TSPAN5: variants seen among roughly 807,000 people sequenced by gnomAD.
TSPAN5 encodes the protein tetraspanin-5.
A neutral mutation model predicts 37.1 loss-of-function variants in TSPAN5; 10 were observed. That is an observed-to-expected ratio of 0.27 (90% confidence interval 0.17 to 0.46). TSPAN5 has a LOEUF of 0.46. Among genes scored for constraint, TSPAN5 ranks in the 20% least tolerant of loss-of-function variants. The pLI is 1.00. For synonymous variants in TSPAN5, 110 were observed against 118.9 expected (o/e 0.93, Z 0.48); for missense variants, 195 against 326.6 (o/e 0.60, Z 3.11).
intron 1 of TSPAN5, among the ~76,000 whole-genome samples, chr4:98,603,423 C>A (rs1185613030): frequency 6.6e-6 from 1 of 152,182 alleles, no homozygotes; most frequent in Non-Finnish European, 1.5e-5. Flanking sequence ...AGTATAAAAG[C>A]AATTTTGCTA....
At chr4:98,555,858 C>G (rs1397675208) in intron 1 of TSPAN5, among the ~76,000 whole-genome samples, 1 of 152,098 alleles carries the variant, frequency 6.6e-6, no homozygotes, top group African/African-American at 2.4e-5. Context: ...TCTGACCTAC[C>G]CTGTTAAACA....
intron 1 of TSPAN5, among the ~76,000 whole-genome samples, chr4:98,615,520 T>C (rs1250119077): frequency 6.6e-6 from 1 of 152,176 alleles, no homozygotes; most frequent in East Asian, 1.9e-4. Flanking sequence ...AACCTGGCAT[T>C]AAACACAGAC....
Position 98,629,209 on chromosome 4 carries a change from A to G in TSPAN5, c.81+28937T>C, listed in dbSNP as rs187452217. Among the ~76,000 whole-genome samples the G allele has an allele frequency of 1.7e-3, 253 of 152,340 alleles. 1 individual carries two copies. In the Middle Eastern group the frequency reaches 0.034, roughly 20 times the overall value. Reference sequence around the variant, plus strand: ...TCTATGAACTATTTCACAGTCTTTGAGTTGTACTGTGTATTACACATAACC... The same window carrying G: ...TCTATGAACTATTTCACAGTCTTTGGGTTGTACTGTGTATTACACATAACC... On this transcript the variant is annotated intron_variant, in intron 1 of 7. Transcript: ENST00000305798.
At chr4:98,487,251 A>G (rs1040637669) in intron 2 of TSPAN5, among the ~76,000 whole-genome samples, 2 of 151,786 alleles carry the variant, frequency 1.3e-5, no homozygotes, top group South Asian at 2.1e-4. Context: ...AAAAAAAAAA[A>G]AAAGAAAAGA....
Position 98,472,495 on chromosome 4 carries a change from T to A in TSPAN5, c.*27A>T. 1 of 1,612,560 alleles carries A rather than the reference T, an allele frequency of 6.2e-7. No individual in the cohort carries two copies. Among genetic ancestry groups the A allele is most frequent in the Non-Finnish European group, 8.5e-7 (1 of 1,178,916 alleles). ...GGTCCCGAAAGCTGGGTCTGTCCAG[T>A]GTCTTGCAGCAGCGGTTGCAGGGGG... On this transcript the variant is annotated 3_prime_UTR_variant, in exon 8 of 8. Coordinates refer to ENST00000305798, the MANE Select transcript of TSPAN5 (RefSeq NM_005723.4).
chr4:98,616,588 G>A lies in TSPAN5; in HGVS notation c.81+41558C>T, dbSNP rs188756656. Among the ~76,000 whole-genome samples the A allele has an allele frequency of 1.9e-3, 292 of 152,250 alleles. 1 individual carries two copies. The Middle Eastern group carries it at 0.034, about 18-fold the overall frequency. On this transcript the variant is annotated intron_variant, in intron 1 of 7. Transcript: ENST00000305798. ...CCTCCACTCTCAAGGGGAGCATAGC[G>A]CACAGCCTCAGACTCACCCTGAAAC...
At chr4:98,544,367 A>T (rs6846287) in intron 1 of TSPAN5, among the ~76,000 whole-genome samples, 94,459 of 151,962 alleles carry the variant, frequency 0.62, 29,784 homozygotes, top group South Asian at 0.79. Context: ...TCCCTACTGC[A>T]ACCAAACTGT....
At chr4:98,642,763 T>A (rs1280443017) in intron 1 of TSPAN5, among the ~76,000 whole-genome samples, 1 of 152,178 alleles carries the variant, frequency 6.6e-6, no homozygotes, top group Non-Finnish European at 1.5e-5. Context: ...GGCTAATGTG[T>A]GTGTTTTTGT....
chr4:98,507,269 C>T (rs569796050), intron 2 of TSPAN5, among the ~76,000 whole-genome samples: 3 of 152,060 alleles, frequency 2.0e-5, no homozygotes, highest in South Asian at 2.1e-4. Context: ...TAAAAAAAAT[C>T]GTTTTTATCT....
At chr4:98,619,272 C>T (rs757304578) in intron 1 of TSPAN5, among the ~76,000 whole-genome samples, 8 of 152,126 alleles carry the variant, frequency 5.3e-5, no homozygotes, top group Non-Finnish European at 1.2e-4. Context: ...TTATTGCAGG[C>T]GTCAATATGA....
intron 1 of TSPAN5, among the ~76,000 whole-genome samples, chr4:98,520,041 A>C (rs556030498): frequency 5.6e-4 from 86 of 152,316 alleles, no homozygotes; most frequent in African/African-American, 2.0e-3. Flanking sequence ...TAAATAACTG[A>C]CTGTGGTTAT....
rs138086247 is a variant in TSPAN5 at position 98,477,525 on chromosome 4, C to T, written c.577-1065G>A. 3.5e-3 allele frequency among the ~76,000 whole-genome samples: 536 copies of T among 152,226 alleles called. 3 individuals carry two copies. Among genetic ancestry groups the T allele is most frequent in the African/African-American group, 0.012 (494 of 41,544 alleles). On this transcript the variant is annotated intron_variant, in intron 5 of 7. Coordinates refer to ENST00000305798, the MANE Select transcript of TSPAN5 (RefSeq NM_005723.4). ...CGGCTCTGCTTCTGAGGGGTAAGGG[C>T]GAGCCTTGGGGAGTACATCTGGAGA... is the stretch of plus-strand genomic sequence containing the variant.
In TSPAN5 at chr4:98,555,471, T is replaced by A. The variant is rs1047945348; in HGVS notation, c.82-47743A>T. Among the ~76,000 whole-genome samples the A allele has an allele frequency of 2.6e-5, 4 of 152,182 alleles. 1 individual carries two copies. Among genetic ancestry groups the A allele is most frequent in the African/African-American group, 9.7e-5 (4 of 41,434 alleles). On this transcript the variant is annotated intron_variant, in intron 1 of 7. Coordinates refer to ENST00000305798, the MANE Select transcript of TSPAN5 (RefSeq NM_005723.4). ...CGAATTTATTCCCCCCTCATATTAC[T>A]AACCACACTTCCTGAAATTATTCCT...
At chr4:98,653,954 G>C (rs1026160169) in intron 1 of TSPAN5, among the ~76,000 whole-genome samples, 1 of 152,122 alleles carries the variant, frequency 6.6e-6, no homozygotes, top group Non-Finnish European at 1.5e-5. Context: ...CTAACCAATG[G>C]AATAGATAAA....
At chr4:98,521,244 A>T (rs1753848840) in intron 1 of TSPAN5, among the ~76,000 whole-genome samples, 4 of 152,184 alleles carry the variant, frequency 2.6e-5, no homozygotes, top group Admixed American at 2.6e-4. Flanking sequence ...CTGACATTAC[A>T]AGTGAGTCCT....
chr4:98,619,664 GT>G (rs1756436348), intron 1 of TSPAN5, among the ~76,000 whole-genome samples: 1 of 152,182 alleles, frequency 6.6e-6, no homozygotes, highest in Non-Finnish European at 1.5e-5. Flanking sequence ...AAAGAGCACC[GT>G]GAAGGAACAC....
At chr4:98,598,606 A>G (rs1479253942) in intron 1 of TSPAN5, among the ~76,000 whole-genome samples, 1 of 152,100 alleles carries the variant, frequency 6.6e-6, no homozygotes, top group Non-Finnish European at 1.5e-5. Flanking sequence ...CTGGCACTAC[A>G]GGTGCGTGCC....
At chr4:98,601,761 C>T (rs1755887824) in intron 1 of TSPAN5, among the ~76,000 whole-genome samples, 2 of 152,198 alleles carry the variant, frequency 1.3e-5, no homozygotes, top group South Asian at 4.1e-4. Context: ...CACAACTTGG[C>T]TAATGGTTTG....
intron 1 of TSPAN5, among the ~76,000 whole-genome samples, chr4:98,557,936 A>G (rs1754789695): frequency 1.3e-5 from 2 of 152,222 alleles, no homozygotes; most frequent in South Asian, 4.1e-4. Context: ...AAGGTCTACG[A>G]AACTGTCACA....
Sources: gnomAD v4.1 joint callset for allele counts (sites outside exome capture counted in the v4.1 genomes callset) on GRCh38, gnomAD v4.1.1 for gene constraint, MANE v1.5 for transcripts, NCBI Gene and HGNC (gene_info 2026-07-23, HGNC 2026-07-21) for gene names.